Variants in C3orf70 observed in about 807,000 individuals in gnomAD.
C3orf70 encodes chromosome 3 open reading frame 70, also known as UPF0524 protein C3orf70.
C3orf70 carries 15 observed loss-of-function variants against 20.7 expected under a neutral mutation model. That is an observed-to-expected ratio of 0.72 (90% CI 0.48 to 1.11). The LOEUF (loss-of-function observed/expected upper bound fraction) is 1.11. Among genes scored for constraint, C3orf70 ranks in the 50% most tolerant of loss-of-function variants. The pLI is 0.00. For missense variants in C3orf70, 332 were observed against 317.6 expected (o/e 1.05, Z -0.34); for synonymous variants, 161 against 125.7 (o/e 1.28, Z -1.88).
chr3:185,101,972 T>C (rs1715832814), intron 1 of C3orf70, among the ~76,000 whole-genome samples: 1 of 152,196 alleles, frequency 6.6e-6, no homozygotes, highest in Admixed American at 6.5e-5. Context: ...ATCATCATAC[T>C]GAATGGGTAA....
chr3:185,120,968 G>A (rs2108599107), intron 1 of C3orf70, among the ~76,000 whole-genome samples: 1 of 152,176 alleles, frequency 6.6e-6, no homozygotes, highest in African/African-American at 2.4e-5. Context: ...GCAAAAATAT[G>A]GAACCAGCCC....
At chr3:185,142,626 T>C (rs576386813) in intron 1 of C3orf70, among the ~76,000 whole-genome samples, 162 of 152,316 alleles carry the variant, frequency 1.1e-3, no homozygotes, top group African/African-American at 3.7e-3. Context: ...GGGTTAAAGT[T>C]TGTTAGGGAA....
chr3:185,125,964 T>C (rs1716403000), intron 1 of C3orf70, among the ~76,000 whole-genome samples: 1 of 152,130 alleles, frequency 6.6e-6, no homozygotes, highest in African/African-American at 2.4e-5. Context: ...TGCACTTTGA[T>C]GATATGATAG....
At chr3:185,131,969 G>A (rs1215455892) in intron 1 of C3orf70, among the ~76,000 whole-genome samples, 3 of 152,144 alleles carry the variant, frequency 2.0e-5, no homozygotes, top group African/African-American at 4.8e-5. Flanking sequence ...GAGGAAAGAG[G>A]GGAGGAAAAA....
Position 185,083,123 on chromosome 3 carries a change from G to A in C3orf70, c.637C>T (p.Leu213=), listed in dbSNP as rs934213706. ...GGACTGTAATCTTCCTCTGAACTCA[G>A]TTCTGCTCCTTCTTCTGTGTCCTCG... ...CDEDTEEGAE[L]SSEEDYSPES... Residue 213 remains leucine, a synonymous_variant, in exon 2 of 2, where the codon CTG becomes TTG. Coordinates refer to ENST00000335012, the MANE Select transcript of C3orf70 (RefSeq NM_001025266.3). 1.9e-6 allele frequency: 3 copies of A among 1,614,048 alleles called. No individual in the cohort carries two copies. The African/African-American group carries it at 4.0e-5, about 22-fold the overall frequency.
chr3:185,144,127 T>C (rs962428097), intron 1 of C3orf70, among the ~76,000 whole-genome samples: 1 of 152,210 alleles, frequency 6.6e-6, no homozygotes, highest in African/African-American at 2.4e-5. Context: ...CAGTGTTTAA[T>C]TGAACAAATC....
chr3:185,128,814 C>T (rs1457565206), intron 1 of C3orf70, among the ~76,000 whole-genome samples: 2 of 152,124 alleles, frequency 1.3e-5, no homozygotes, highest in African/African-American at 4.8e-5. Flanking sequence ...ACTCTGTCTT[C>T]GCATAATTTG....
intron 1 of C3orf70, among the ~76,000 whole-genome samples, chr3:185,103,858 G>A (rs1257535557): frequency 6.6e-6 from 1 of 152,144 alleles, no homozygotes; most frequent in African/African-American, 2.4e-5. Flanking sequence ...CAGGAAAAAG[G>A]CTCCTGTCCC....
intron 1 of C3orf70, among the ~76,000 whole-genome samples, chr3:185,131,379 G>A (rs142448326): frequency 5.9e-5 from 9 of 152,296 alleles, no homozygotes; most frequent in Admixed American, 1.3e-4. Context: ...TAACCAAGTG[G>A]TAATATCTTG....
chr3:185,094,775 C>T (rs903736699), intron 1 of C3orf70, among the ~76,000 whole-genome samples: 1 of 152,066 alleles, frequency 6.6e-6, no homozygotes, highest in Non-Finnish European at 1.5e-5. Context: ...ACTTATCCAC[C>T]TGGAGCTATT....
intron 1 of C3orf70, among the ~76,000 whole-genome samples, chr3:185,112,232 G>A (rs1042688810): frequency 3.3e-5 from 5 of 152,228 alleles, no homozygotes; most frequent in Non-Finnish European, 7.3e-5. Context: ...GGAGGGTGCA[G>A]TGAGCCAAGA....
In C3orf70 at chr3:185,120,098, T is replaced by C. The variant is rs1716267139; in HGVS notation, c.196+32530A>G. 2.6e-5 allele frequency among the ~76,000 whole-genome samples: 4 copies of C among 151,564 alleles called. No individual in the cohort carries two copies. The South Asian group carries it at 8.3e-4, about 32-fold the overall frequency. On this transcript the variant is annotated intron_variant, in intron 1 of 1. Transcript: ENST00000335012. ...CTTGGTCATATAATAATAACAGCACTACAAATCACTTAAGATATGTATATG... is the reference window on the plus strand; with the variant it reads ...CTTGGTCATATAATAATAACAGCACCACAAATCACTTAAGATATGTATATG...
In C3orf70 at chr3:185,083,419, G is replaced by A; in HGVS notation, c.341C>T (p.Pro114Leu). Residue 114 changes from proline to leucine, a missense_variant, in exon 2 of 2, where the codon CCT becomes CTT. Transcript: ENST00000335012. ...CCTCGGTGAGTCAGGGGGAAGGGGA[G>A]GCTGGAAGACAGATGCAAATTTCAA... The part of the protein sequence containing the change: ...HFLKFASVFQ[P>L]PLPPDSPRYC... 1 of 1,614,148 alleles carries A rather than the reference G, an allele frequency of 6.2e-7. No homozygotes were observed.
Position 185,082,980 on chromosome 3 carries a change from C to T in C3orf70, c.*27G>A, listed in dbSNP as rs769884881. The stretch of plus-strand genomic sequence containing the variant: ...AAGGTACAAAAGCTCGGCGTGGGTC[C>T]GAGGCTGTGGCTTCCTGTCTGGACT... On this transcript the variant is annotated 3_prime_UTR_variant, in exon 2 of 2. Transcript: ENST00000335012. 25 of 1,599,418 alleles carry T rather than the reference C, an allele frequency of 1.6e-5. No homozygotes were observed. The highest frequency in any genetic ancestry group is 1.3e-4 in the East Asian group (6 of 44,710).
At chr3:185,113,583 A>C (rs1244225835) in intron 1 of C3orf70, among the ~76,000 whole-genome samples, 2 of 152,240 alleles carry the variant, frequency 1.3e-5, no homozygotes, top group African/African-American at 2.4e-5. Context: ...CATTTCTTGA[A>C]ATAATCCTAT....
intron 1 of C3orf70, among the ~76,000 whole-genome samples, chr3:185,132,905 G>A (rs1268599455): frequency 1.3e-5 from 2 of 152,116 alleles, no homozygotes; most frequent in Non-Finnish European, 2.9e-5. Context: ...TCAAAGGAAT[G>A]GCAAAAGAGA....
intron 1 of C3orf70, among the ~76,000 whole-genome samples, chr3:185,127,727 A>G (rs1009268987): frequency 8.5e-5 from 13 of 152,258 alleles, no homozygotes; most frequent in African/African-American, 2.9e-4. Flanking sequence ...GGCGTGAGCC[A>G]CCATGACCGG....
intron 1 of C3orf70, among the ~76,000 whole-genome samples, chr3:185,116,732 T>C (rs945613231): frequency 1.3e-5 from 2 of 152,066 alleles, no homozygotes; most frequent in Non-Finnish European, 2.9e-5. Context: ...CACAGAATCA[T>C]AGACTATGAT....
At chr3:185,137,847 G>T (rs564121555) in intron 1 of C3orf70, among the ~76,000 whole-genome samples, 111 of 152,108 alleles carry the variant, frequency 7.3e-4, no homozygotes, top group African/African-American at 2.6e-3. Flanking sequence ...GCTAGAAAAA[G>T]CACAAAATAA....
Sources: allele counts gnomAD v4.1 joint callset (sites outside exome capture counted in the v4.1 genomes callset), GRCh38; gene constraint gnomAD v4.1.1; transcripts MANE v1.5; gene names NCBI Gene and HGNC (gene_info 2026-07-23, HGNC 2026-07-21).